Variants in L1TD1 observed in about 807,000 individuals in gnomAD.
The protein encoded by L1TD1 is LINE-1 type transposase domain-containing protein 1.
Under a neutral mutation model 25.7 loss-of-function variants are expected in L1TD1, and 26 were observed. The ratio of observed to expected loss-of-function variants is 1.01; its 90% CI spans 0.74 to 1.40. L1TD1 has a LOEUF of 1.40. L1TD1 is among the 40% of genes most tolerant of loss of function. The pLI, the probability that L1TD1 is intolerant of heterozygous loss-of-function variation, is 0.00. For missense variants in L1TD1, 1,130 were observed against 975.0 expected (o/e 1.16, Z -2.12); for synonymous variants, 421 against 335.6 (o/e 1.25, Z -2.78).
At chr1:62,203,945 C>CA (rs1194790820) in intron 2 of L1TD1, among the ~76,000 whole-genome samples, 2 of 152,036 alleles carry the variant, frequency 1.3e-5, no homozygotes, top group East Asian at 3.9e-4. Flanking sequence ...AGGCCGGTCT[C>CA]AAAGTCCTGA....
rs372062165 is a variant in L1TD1, at chr1:62,211,373, C to T, written c.*1C>T. On this transcript the variant is annotated 3_prime_UTR_variant, in exon 4 of 4. Transcript: ENST00000498273. ...ATTACTGGGGAATAATATACCTTAG[C>T]ACGCCAGGGTGACTACAAACAATAT... 8.3e-5 allele frequency: 131 copies of T among 1,578,024 alleles called. No individual in the cohort carries two copies. Among genetic ancestry groups the T allele is most frequent in the Non-Finnish European group, 1.1e-4 (126 of 1,164,878 alleles).
chr1:62,197,009 G>A (rs1428996458), intron 2 of L1TD1, among the ~76,000 whole-genome samples: 3 of 152,032 alleles, frequency 2.0e-5, no homozygotes, highest in Non-Finnish European at 2.9e-5. Context: ...GCTATTAGCA[G>A]AACCCACAGT....
At chr1:62,203,246 C>T (rs1365710606) in intron 2 of L1TD1, among the ~76,000 whole-genome samples, 1 of 132,268 alleles carries the variant, frequency 7.6e-6, no homozygotes, top group African/African-American at 2.5e-5. Flanking sequence ...AAACATTTAT[C>T]ATTTCTTCTT....
rs200931139 is a variant in L1TD1, at chr1:62,209,992, G to A, written c.1218G>A (p.Glu406=). 4.2e-5 allele frequency: 62 copies of A among 1,469,526 alleles called. No individual in the cohort carries two copies. In the Admixed American group the frequency reaches 9.1e-4, roughly 22 times the overall value. 91.0% of individuals were successfully genotyped at this position (1,469,526 alleles called of 1,614,324 possible). The part of the protein sequence containing the change: ...DDEDTSGLEE[E]EEEPSGLEEE... ...AAGATACCTCAGGGCTGGAGGAGGA[G>A]GAGGAAGAGCCCTCAGGGCTGGAGG... Residue 406 remains glutamate (E), a synonymous_variant, in exon 4 of 4, where the codon GAG becomes GAA. Transcript: ENST00000498273.
intron 2 of L1TD1, among the ~76,000 whole-genome samples, chr1:62,199,255 T>A (rs1570920922): frequency 6.6e-6 from 1 of 152,168 alleles, no homozygotes; most frequent in Non-Finnish European, 1.5e-5. Flanking sequence ...CTCAGCACTT[T>A]GGGAGGCTGA....
At position 62,212,269 on chromosome 1, in the gene L1TD1, C is replaced by T. The variant is rs1162216388; in HGVS notation, c.*897C>T. 4 of 151,872 alleles carry T rather than the reference C, an allele frequency of 2.6e-5. No individual in the cohort carries two copies. 9.4% of individuals were successfully genotyped at this position (151,872 alleles called of 1,614,324 possible). A position where few individuals can be genotyped will look rare whatever the true frequency, so the allele number is the denominator to read the frequency against. On this transcript the variant is annotated 3_prime_UTR_variant, in exon 4 of 4. Coordinates refer to ENST00000498273, the MANE Select transcript of L1TD1 (RefSeq NM_019079.5). ...ACAAAAAGAGGAAGAAATGATATTT[C>T]ACAAGTTTGTATCATTTGTCATGAT... is the stretch of plus-strand genomic sequence containing the variant.
In L1TD1 at chr1:62,210,878, A is replaced by G; in HGVS notation, c.2104A>G (p.Ile702Val). Residue 702 changes from isoleucine (I) to valine (V), a missense_variant, in exon 4 of 4, where the codon ATT becomes GTT. By Grantham distance (29) the Ile-to-Val change is conservative. Transcript: ENST00000498273. Reference protein sequence around the residue: ...DIEERSRSCNIRLIGIPEKES... With the variant: ...DIEERSRSCNVRLIGIPEKES... ...AGAGGAGAGATCTAGAAGTTGCAAC[A>G]TTCGTTTGATAGGAATTCCAGAAAA... 6.4e-7 allele frequency: 1 copy of G among 1,551,454 alleles called. No individual in the cohort carries two copies. Among genetic ancestry groups the G allele is most frequent in the East Asian group, 2.4e-5 (1 of 40,890 alleles).
Position 62,207,357 on chromosome 1 carries a change from TA to T in L1TD1, c.730del (p.Thr244ProfsTer3). 6.4e-7 allele frequency: 1 copy of T among 1,551,556 alleles called. No individual in the cohort carries two copies. The highest frequency in any genetic ancestry group is 8.7e-7 in the Non-Finnish European group (1 of 1,146,940). The part of the protein sequence containing the change: ...KVLMDEGAVL[T>X]LVADLSSATL... ...TGTTGATGGATGAAGGAGCAGTACT[TA>T]CCCTGGTAGCCGACCTTTCATCAGC... is the stretch of plus-strand genomic sequence containing the variant. On this transcript the variant is annotated frameshift_variant, in exon 3 of 4. Coordinates refer to ENST00000498273, the MANE Select transcript of L1TD1 (RefSeq NM_019079.5). LOFTEE classifies it high-confidence loss of function.
At chr1:62,203,516 G>C (rs1231478904) in intron 2 of L1TD1, among the ~76,000 whole-genome samples, 2 of 152,094 alleles carry the variant, frequency 1.3e-5, no homozygotes, top group African/African-American at 4.8e-5. Context: ...CCAGGTTCAA[G>C]TGATTCTTAT....
rs745834864 is a variant in L1TD1 at position 62,209,780 on chromosome 1, C to G, written c.1009-3C>G. 1.4e-6 allele frequency: 2 copies of G among 1,477,838 alleles called. No individual in the cohort carries two copies. Among genetic ancestry groups the G allele is most frequent in the Admixed American group, 4.7e-5 (2 of 42,450 alleles). 91.5% of individuals were successfully genotyped at this position (1,477,838 alleles called of 1,614,324 possible). On this transcript the variant is annotated splice_polypyrimidine_tract_variant and splice_region_variant and intron_variant, in intron 3 of 3. Coordinates refer to ENST00000498273, the MANE Select transcript of L1TD1 (RefSeq NM_019079.5). ...TTTTTTTTCTTCTTTGTTTAACTTT[C>G]AGGATAAAACCCTAATAGACTCAAA...
At chr1:62,195,574 G>GA (rs1670518132) in intron 1 of L1TD1, among the ~76,000 whole-genome samples, 1 of 152,084 alleles carries the variant, frequency 6.6e-6, no homozygotes, top group Non-Finnish European at 1.5e-5. Context: ...CCAACATGGA[G>GA]AAACCTCGTC....
Position 62,210,715 on chromosome 1 carries a change from T to C in L1TD1, c.1941T>C (p.Asn647=). ...SSHSGVLEIE[N]SVDDLSSRMD... ...ATTCAGGTGTCTTGGAAATTGAAAA[T>C]TCAGTAGATGATCTGAGTAGCAGAA... The change falls in exon 4 of 4, where the codon AAT becomes AAC. Residue 647 remains asparagine, a synonymous_variant. Transcript: ENST00000498273. 1.3e-6 allele frequency: 2 copies of C among 1,551,768 alleles called. No individual in the cohort carries two copies. Among genetic ancestry groups the C allele is most frequent in the Non-Finnish European group, 1.7e-6 (2 of 1,147,018 alleles).
At position 62,210,188 on chromosome 1, in the gene L1TD1, T is replaced by C; in HGVS notation, c.1414T>C (p.Ser472Pro). Residue 472 changes from serine to proline, a missense_variant, in exon 4 of 4, where the codon TCT (serine) becomes CCT (proline). Coordinates refer to ENST00000498273, the MANE Select transcript of L1TD1 (RefSeq NM_019079.5). ...TGGCATGGAAACTACTTTCATTGAC[T>C]CTGTAGAGGATTCTGAATCAGAGGA... ...SDGMETTFID[S>P]VEDSESEEEE... The C allele has an allele frequency of 6.2e-7, 1 of 1,613,844 alleles. No homozygotes were observed. The highest frequency in any genetic ancestry group is 1.1e-5 in the South Asian group (1 of 90,944).
chr1:62,198,541 C>G (rs377252975), intron 2 of L1TD1, among the ~76,000 whole-genome samples: 1 of 151,776 alleles, frequency 6.6e-6, no homozygotes, highest in Non-Finnish European at 1.5e-5. Context: ...CCCACCCCGC[C>G]GATAAGAACA....
rs1670853511 is a variant in L1TD1, at chr1:62,210,849, A to G, written c.2075A>G (p.Asp692Gly). 6.4e-7 allele frequency: 1 copy of G among 1,550,402 alleles called. No individual in the cohort carries two copies. Among genetic ancestry groups the G allele is most frequent in the Non-Finnish European group, 8.7e-7 (1 of 1,146,754 alleles). Reference sequence around the variant, plus strand: ...ATAATTAGTAAAGAAAGGCAAAGAGATATAGAGGAGAGATCTAGAAGTTGC... The same window carrying G: ...ATAATTAGTAAAGAAAGGCAAAGAGGTATAGAGGAGAGATCTAGAAGTTGC... ...KQIISKERQR[D>G]IEERSRSCNI... Residue 692 changes from aspartate to glycine, a missense_variant, in exon 4 of 4, where the codon GAT becomes GGT. By Grantham distance (94) the Asp-to-Gly change is moderately conservative (BLOSUM62 -1). Coordinates refer to ENST00000498273, the MANE Select transcript of L1TD1 (RefSeq NM_019079.5).
At position 62,197,865 on chromosome 1, in the gene L1TD1, ACT is replaced by A. The variant is rs574555646; in HGVS notation, c.-111+1340_-111+1341del. On this transcript the variant is annotated intron_variant, in intron 2 of 3. Coordinates refer to ENST00000498273, the MANE Select transcript of L1TD1 (RefSeq NM_019079.5). ...GCACTTCAGCCTGGGCGACAGTGAG[ACT>A]CTGTCTCAAAAACAGAAGAAAACAA... Among the ~76,000 whole-genome samples, 19 of 151,076 alleles carry A rather than the reference ACT, an allele frequency of 1.3e-4. No homozygotes were observed. The East Asian group carries it at 1.4e-3, about 11-fold the overall frequency.
chr1:62,206,618 A>C lies in L1TD1; in HGVS notation c.-11A>C. The C allele has an allele frequency of 6.7e-7, 1 of 1,482,610 alleles. No homozygotes were observed. The highest frequency in any genetic ancestry group is 9.0e-7 in the Non-Finnish European group (1 of 1,116,094). 91.8% of individuals were successfully genotyped at this position (1,482,610 alleles called of 1,614,324 possible). On this transcript the variant is annotated 5_prime_UTR_variant, in exon 3 of 4. Coordinates refer to ENST00000498273, the MANE Select transcript of L1TD1 (RefSeq NM_019079.5). Reference sequence around the variant, plus strand: ...TTAAAAACAGAATCCAGTCTTGACAACATATCCACAATGTCTGATGTATCT... The same window carrying C: ...TTAAAAACAGAATCCAGTCTTGACACCATATCCACAATGTCTGATGTATCT...
chr1:62,204,073 T>C (rs763063717), intron 2 of L1TD1, among the ~76,000 whole-genome samples: 1 of 152,206 alleles, frequency 6.6e-6, no homozygotes, highest in East Asian at 1.9e-4. Context: ...AAGATAATAG[T>C]TGCTTCTAAA....
Position 62,211,564 on chromosome 1 carries a change from C to A in L1TD1, c.*192C>A. 1.1e-6 allele frequency: 1 copy of A among 887,584 alleles called. No individual in the cohort carries two copies. Among genetic ancestry groups the A allele is most frequent in the Non-Finnish European group, 1.6e-6 (1 of 634,706 alleles). 55.0% of individuals were successfully genotyped at this position (887,584 alleles called of 1,614,324 possible). A position where few individuals can be genotyped will look rare whatever the true frequency, so the allele number is the denominator to read the frequency against. ...GTATGTTTAAAAAAAATAGGCTGGT[C>A]TCAATGTAGTGAGTTATTTCAGTTG... On this transcript the variant is annotated 3_prime_UTR_variant, in exon 4 of 4. Transcript: ENST00000498273.
Sources: gnomAD v4.1 joint callset for allele counts (sites outside exome capture counted in the v4.1 genomes callset) on GRCh38, gnomAD v4.1.1 for gene constraint, MANE v1.5 for transcripts, NCBI Gene and HGNC (gene_info 2026-07-23, HGNC 2026-07-21) for gene names.